Variants in RBFOX1 observed in about 807,000 individuals in gnomAD.
RBFOX1 encodes RNA binding protein fox-1 homolog 1.
In RBFOX1, 8 loss-of-function variants were observed where a neutral mutation model predicts 57.7. The ratio of observed to expected loss-of-function variants is 0.14; its 90% CI spans 0.08 to 0.25. The LOEUF is 0.25. RBFOX1 is among the 10% of genes least tolerant of loss of function. The pLI, the probability that RBFOX1 is intolerant of heterozygous loss-of-function variation, is 1.00. For missense variants in RBFOX1, 611 were observed against 548.5 expected (o/e 1.11, Z -1.14); for synonymous variants, 326 against 222.4 (o/e 1.47, Z -4.15).
chr16:5,986,346 G>A (rs188330404), intron 4 of RBFOX1, among the ~76,000 whole-genome samples: 3 of 152,198 alleles, frequency 2.0e-5, no homozygotes, highest in Non-Finnish European at 4.4e-5. Flanking sequence ...TTACAGGCGT[G>A]AGCCATCGCG....
chr16:5,768,876 G>C (rs1054033754), intron 3 of RBFOX1, among the ~76,000 whole-genome samples: 3 of 151,926 alleles, frequency 2.0e-5, no homozygotes, highest in African/African-American at 7.2e-5. Flanking sequence ...TTTTTTGTTT[G>C]TTTGTTTGTT....
chr16:7,445,057 C>T (rs1017581624), intron 4 of RBFOX1, among the ~76,000 whole-genome samples: 40 of 151,144 alleles, frequency 2.6e-4, no homozygotes, highest in African/African-American at 9.7e-4. Flanking sequence ...GAAAAAGCAA[C>T]GTTCTTGACT....
intron 3 of RBFOX1, among the ~76,000 whole-genome samples, chr16:6,786,976 C>T (rs2082074789): frequency 6.6e-6 from 1 of 152,030 alleles, no homozygotes; most frequent in Non-Finnish European, 1.5e-5. Flanking sequence ...TCTCCCTCTG[C>T]ACAGGTCACC....
At chr16:5,262,638 C>T (rs1438376405) in intron 1 of RBFOX1, among the ~76,000 whole-genome samples, 4 of 152,130 alleles carry the variant, frequency 2.6e-5, no homozygotes, top group Admixed American at 2.6e-4. Flanking sequence ...ATAGCTCTAC[C>T]TCTATCTCTC....
At chr16:6,761,948 T>C (rs548885843) in intron 3 of RBFOX1, among the ~76,000 whole-genome samples, 25 of 152,124 alleles carry the variant, frequency 1.6e-4, no homozygotes, top group Admixed American at 3.3e-4. Flanking sequence ...TCTCTGACAT[T>C]TTTTGTTCAA....
At chr16:7,265,091 G>C (rs894159600) in intron 4 of RBFOX1, among the ~76,000 whole-genome samples, 2 of 152,226 alleles carry the variant, frequency 1.3e-5, no homozygotes, top group South Asian at 2.1e-4. Context: ...CTTTGTTCTA[G>C]CAATATTTAT....
intron 3 of RBFOX1, among the ~76,000 whole-genome samples, chr16:6,864,534 T>G (rs2059575874): frequency 1.3e-5 from 2 of 149,326 alleles, no homozygotes; most frequent in African/African-American, 5.0e-5. Flanking sequence ...AACCCCCCTA[T>G]TCTCTCCTTC....
chr16:5,905,504 G>A (rs1171724687), intron 4 of RBFOX1, among the ~76,000 whole-genome samples: 1 of 152,070 alleles, frequency 6.6e-6, no homozygotes, highest in Non-Finnish European at 1.5e-5. Flanking sequence ...TTGAGCCCAG[G>A]AGTTTTTGAC....
rs534891292 is a variant in RBFOX1 at position 6,521,568 on chromosome 16, C to G, written c.-63-133035C>G. 3.0e-3 allele frequency among the ~76,000 whole-genome samples: 443 copies of G among 146,734 alleles called. 2 individuals carry two copies. Among genetic ancestry groups the G allele is most frequent in the African/African-American group, 0.012 (431 of 37,370 alleles). ...CCTCTCCTTCCCTCGCTCTCTTTGT[C>G]TTTCTCTCTTTAATCTTTTTTCCTT... On this transcript the variant is annotated intron_variant, in intron 2 of 15. Coordinates refer to ENST00000550418, the MANE Select transcript of RBFOX1 (RefSeq NM_018723.4).
chr16:6,559,562 G>A (rs8047943), intron 2 of RBFOX1, among the ~76,000 whole-genome samples: 12,144 of 152,002 alleles, frequency 0.08, 1,186 homozygotes, highest in African/African-American at 0.23. Context: ...GTCACCTGTC[G>A]TGTTGGAAGG....
intron 4 of RBFOX1, among the ~76,000 whole-genome samples, chr16:7,207,015 A>T (rs915956816): frequency 2.6e-5 from 4 of 152,150 alleles, no homozygotes; most frequent in African/African-American, 9.7e-5. Context: ...GCTCAGTGCA[A>T]TGCCATGCTT....
At chr16:5,612,315 A>G (rs2047852876) in intron 3 of RBFOX1, among the ~76,000 whole-genome samples, 1 of 150,852 alleles carries the variant, frequency 6.6e-6, no homozygotes, top group East Asian at 2.0e-4. Context: ...TTTCCCATCT[A>G]CTCATCCACC....
chr16:6,191,367 G>A (rs2097140705), intron 1 of RBFOX1, among the ~76,000 whole-genome samples: 1 of 152,098 alleles, frequency 6.6e-6, no homozygotes, highest in Admixed American at 6.5e-5. Flanking sequence ...GGGAGGGATG[G>A]CATGTCCTTT....
At chr16:7,483,907 A>G (rs2064680063) in intron 4 of RBFOX1, among the ~76,000 whole-genome samples, 1 of 152,254 alleles carries the variant, frequency 6.6e-6, no homozygotes, top group South Asian at 2.1e-4. Flanking sequence ...GCTTAAGTGT[A>G]CAGTTTGAAT....
chr16:6,219,939 A>G (rs1166443898), intron 1 of RBFOX1, among the ~76,000 whole-genome samples: 1 of 152,210 alleles, frequency 6.6e-6, no homozygotes, highest in Non-Finnish European at 1.5e-5. Context: ...ATAATACATG[A>G]AAAGCTCTTA....
intron 3 of RBFOX1, among the ~76,000 whole-genome samples, chr16:6,986,742 A>G (rs1319477444): frequency 6.6e-6 from 1 of 152,026 alleles, no homozygotes; most frequent in Non-Finnish European, 1.5e-5. Context: ...TCGTGACAAG[A>G]AAGAAGGTGG....
At chr16:6,824,405 G>A (rs548350165) in intron 3 of RBFOX1, among the ~76,000 whole-genome samples, 110 of 152,306 alleles carry the variant, frequency 7.2e-4, no homozygotes, top group African/African-American at 2.6e-3. Context: ...GAGATTCCAT[G>A]TCAAAGACTG....
At chr16:5,562,886 T>G (rs2045937612) in intron 2 of RBFOX1, among the ~76,000 whole-genome samples, 1 of 152,222 alleles carries the variant, frequency 6.6e-6, no homozygotes, top group Non-Finnish European at 1.5e-5. Flanking sequence ...GGCTTCATAC[T>G]GCCGCTGTCT....
intron 4 of RBFOX1, among the ~76,000 whole-genome samples, chr16:7,309,729 C>G (rs943757151): frequency 6.6e-6 from 1 of 152,054 alleles, no homozygotes; most frequent in Non-Finnish European, 1.5e-5. Flanking sequence ...GTTTGTCAGG[C>G]AAATAATAGT....
Sources: gnomAD v4.1 joint callset for allele counts (sites outside exome capture counted in the v4.1 genomes callset) on GRCh38, gnomAD v4.1.1 for gene constraint, MANE v1.5 for transcripts, NCBI Gene and HGNC (gene_info 2026-07-23, HGNC 2026-07-21) for gene names.